Variants in RB1 observed in about 807,000 individuals in gnomAD.
RB1 encodes RB transcriptional corepressor 1, also known as retinoblastoma-associated protein.
Under a neutral mutation model 135.4 loss-of-function variants are expected in RB1, and 18 were observed. That is an observed-to-expected ratio of 0.13 (90% CI 0.09 to 0.20). The LOEUF (loss-of-function observed/expected upper bound fraction) is 0.20. Ranked by LOEUF, RB1 falls within the 10% of genes least tolerant of loss-of-function variation. The pLI is 1.00. For missense variants in RB1, 868 were observed against 1,110.0 expected (o/e 0.78, Z 3.10); for synonymous variants, 365 against 373.2 (o/e 0.98, Z 0.25).
At chr13:48,376,703 AG>A (rs1952828356) in intron 12 of RB1, among the ~76,000 whole-genome samples, 1 of 152,154 alleles carries the variant, frequency 6.6e-6, no homozygotes, top group Non-Finnish European at 1.5e-5. Flanking sequence ...TTTAGATAAT[AG>A]GGTTTTTTAG....
intron 17 of RB1, among the ~76,000 whole-genome samples, chr13:48,441,663 A>G (rs1394343081): frequency 6.6e-6 from 1 of 152,190 alleles, no homozygotes; most frequent in Non-Finnish European, 1.5e-5. Context: ...AAATAAAACT[A>G]TACTGTGTTT....
chr13:48,335,515 A>C (rs910869233), intron 2 of RB1, among the ~76,000 whole-genome samples: 3 of 152,112 alleles, frequency 2.0e-5, no homozygotes, highest in African/African-American at 7.2e-5. Flanking sequence ...GAGGTATTTT[A>C]AGGATTTTTA....
chr13:48,360,238 C>G, intron 7 of RB1, 111 bp downstream of exon 7: 1 of 1,539,152 alleles, frequency 6.5e-7, no homozygotes, highest in Non-Finnish European at 8.7e-7. Flanking sequence ...AAAAATAAAT[C>G]AGACATGGAC....
At chr13:48,471,895 C>A (rs1411483010) in intron 23 of RB1, among the ~76,000 whole-genome samples, 1 of 152,158 alleles carries the variant, frequency 6.6e-6, no homozygotes, top group Non-Finnish European at 1.5e-5. Context: ...CTGGCGGCCT[C>A]TTTACCACCT....
chr13:48,342,934 T>G (rs1952460544), intron 3 of RB1, among the ~76,000 whole-genome samples: 1 of 152,052 alleles, frequency 6.6e-6, no homozygotes, highest in South Asian at 2.1e-4. Context: ...CCTGGAAAAA[T>G]TTTCATTGTG....
rs976503237 is a variant in RB1 at position 48,368,560 on chromosome 13, C to A, written c.1083C>A (p.Asn361Lys). The change falls in exon 11 of 27, where the codon AAC becomes AAA. Residue 361 changes from asparagine (N) to lysine (K), a missense_variant. Around this residue, in one of 3 missense-constraint regions of RB1, gnomAD observed 641 missense variants for 791.3 expected, o/e 0.81. Coordinates refer to ENST00000267163, the MANE Select transcript of RB1 (RefSeq NM_000321.3). ...FETQRTPRKS[N>K]LDEEVNVIPP... ...CACAGAGAACACCACGAAAAAGTAA[C>A]CTTGATGAAGAGGTGAATGTAATTC... The A allele has an allele frequency of 6.8e-6, 11 of 1,613,330 alleles. No individual in the cohort carries two copies. In the South Asian group the frequency reaches 1.2e-4, roughly 18 times the overall value.
chr13:48,453,650 A>C lies in RB1; in HGVS notation c.1814+539A>C, dbSNP rs573686938. Among the ~76,000 whole-genome samples, 25 of 152,310 alleles carry C rather than the reference A, an allele frequency of 1.6e-4. No homozygotes were observed. The South Asian group carries it at 5.2e-3, about 32-fold the overall frequency. On this transcript the variant is annotated intron_variant, in intron 18 of 26. Transcript: ENST00000267163. ...ATCAATGTAGTAGTTTATTTTGCCA[A>C]AGTTAAGGACGTGCCCAGGAGAGAG...
At chr13:48,318,247 C>A in intron 2 of RB1, 1 of 747,966 alleles carries the variant, frequency 1.3e-6, no homozygotes, top group Non-Finnish European at 2.1e-6. Context: ...CTATTAAGCA[C>A]CGGCGGGCTT....
intron 17 of RB1, among the ~76,000 whole-genome samples, chr13:48,381,837 C>T (rs1231685456): frequency 1.3e-5 from 2 of 151,996 alleles, no homozygotes; most frequent in Admixed American, 1.3e-4. Flanking sequence ...TAATGCTATC[C>T]CTCCCTCCTC....
chr13:48,464,659 T>A (rs1949425786), intron 21 of RB1, among the ~76,000 whole-genome samples: 1 of 152,180 alleles, frequency 6.6e-6, no homozygotes, highest in Non-Finnish European at 1.5e-5. Context: ...GGCCCTTTGA[T>A]TCCCATCATG....
At chr13:48,478,380 T>C (rs1179948401) in intron 26 of RB1, among the ~76,000 whole-genome samples, 1 of 152,224 alleles carries the variant, frequency 6.6e-6, no homozygotes, top group Non-Finnish European at 1.5e-5. Flanking sequence ...TTGGATTTTA[T>C]GTCAACTTAC....
At chr13:48,320,222 C>T in intron 2 of RB1, 4 of 1,051,906 alleles carry the variant, frequency 3.8e-6, no homozygotes, top group South Asian at 2.9e-5. Flanking sequence ...TCCTTGTGCA[C>T]GGTGGGCTTG....
At chr13:48,458,443 A>T (rs1249339898) in intron 19 of RB1, among the ~76,000 whole-genome samples, 1 of 152,226 alleles carries the variant, frequency 6.6e-6, no homozygotes, top group Non-Finnish European at 1.5e-5. Flanking sequence ...AGTAAGAATT[A>T]TGCTGAGCTT....
At chr13:48,465,488 C>T (rs897535996) in intron 23 of RB1, 120 bp downstream of exon 23, 13 of 1,085,936 alleles carry the variant, frequency 1.2e-5, no homozygotes, top group Non-Finnish European at 2.7e-6. Context: ...ACTCTATTTG[C>T]TTATTTAAGT....
intron 9 of RB1, among the ~76,000 whole-genome samples, chr13:48,366,389 A>C (rs1232420320): frequency 6.6e-6 from 1 of 152,220 alleles, no homozygotes; most frequent in Admixed American, 6.5e-5. Context: ...AAACATAAGC[A>C]TGGATTACTG....
At chr13:48,450,794 T>C (rs987481047) in intron 17 of RB1, among the ~76,000 whole-genome samples, 8 of 152,222 alleles carry the variant, frequency 5.3e-5, no homozygotes, top group Non-Finnish European at 1.0e-4. Flanking sequence ...CTTACAATAT[T>C]GATTCTTTCT....
At chr13:48,419,786 A>G (rs1458441720) in intron 17 of RB1, among the ~76,000 whole-genome samples, 1 of 152,254 alleles carries the variant, frequency 6.6e-6, no homozygotes. Context: ...TAGAAAATCT[A>G]GAAGAAATGG....
At chr13:48,396,257 C>G (rs535936086) in intron 17 of RB1, among the ~76,000 whole-genome samples, 1 of 152,144 alleles carries the variant, frequency 6.6e-6, no homozygotes, top group South Asian at 2.1e-4. Context: ...TACTACAAGG[C>G]CACAATAATC....
intron 1 of RB1, among the ~76,000 whole-genome samples, chr13:48,306,529 C>T (rs569376991): frequency 5.9e-5 from 9 of 152,276 alleles, no homozygotes; most frequent in East Asian, 1.9e-4. Flanking sequence ...TACCTCTTAC[C>T]GGCTGAGACC....
Sources: gnomAD v4.1 joint callset for allele counts (sites outside exome capture counted in the v4.1 genomes callset) on GRCh38, gnomAD v4.1.1 for gene constraint, gnomAD v4.1.1 regional missense constraint, MANE v1.5 for transcripts, NCBI Gene and HGNC (gene_info 2026-07-23, HGNC 2026-07-21) for gene names.